TTC28: variants seen among roughly 807,000 people sequenced by gnomAD.
TTC28 encodes tetratricopeptide repeat domain 28, also known as tetratricopeptide repeat protein 28.
TTC28 carries 61 observed loss-of-function variants against 198.0 expected under a neutral mutation model. The observed-to-expected ratio is 0.31, with a 90% CI of 0.25 to 0.38. TTC28 has a LOEUF of 0.38. Among genes scored for constraint, TTC28 ranks in the 10% least tolerant of loss-of-function variants. TTC28 has a pLI of 1.00. For synonymous variants in TTC28, 1,171 were observed against 1,297.8 expected (o/e 0.90, Z 2.10); for missense variants, 2,678 against 3,164.0 (o/e 0.85, Z 3.69).
At chr22:27,989,776 A>G (rs1229743016) in intron 21 of TTC28, 102 bp downstream of exon 21, 1 of 1,404,360 alleles carries the variant, frequency 7.1e-7, no homozygotes, top group African/African-American at 1.4e-5. Flanking sequence ...TAATATTTTA[A>G]GAAGACACTG....
intron 1 of TTC28, among the ~76,000 whole-genome samples, chr22:28,673,896 C>A (rs2051931297): frequency 6.6e-6 from 1 of 152,030 alleles, no homozygotes; most frequent in Non-Finnish European, 1.5e-5. Context: ...CATCAGGCTT[C>A]CCGCTAACAG....
chr22:28,393,135 G>C (rs1367483458), intron 2 of TTC28, among the ~76,000 whole-genome samples: 1 of 151,966 alleles, frequency 6.6e-6, no homozygotes, highest in South Asian at 2.1e-4. Flanking sequence ...CTCCGACCTT[G>C]GCCTCTCAAA....
At chr22:28,319,729 T>C (rs1284844244) in intron 2 of TTC28, among the ~76,000 whole-genome samples, 1 of 152,242 alleles carries the variant, frequency 6.6e-6, no homozygotes, top group East Asian at 1.9e-4. Flanking sequence ...CGTATTGCTT[T>C]GCTCTTCTTT....
At chr22:28,178,458 ACT>A (rs1045922544) in intron 5 of TTC28, among the ~76,000 whole-genome samples, 2 of 151,872 alleles carry the variant, frequency 1.3e-5, no homozygotes, top group African/African-American at 4.8e-5. Flanking sequence ...CAAGAGTGAA[ACT>A]CTGTCGAGGG....
At chr22:27,998,427 G>A in intron 16 of TTC28, 113 bp downstream of exon 16, 1 of 1,431,824 alleles carries the variant, frequency 7.0e-7, no homozygotes, top group Non-Finnish European at 9.2e-7. Context: ...GTCTTCTGTG[G>A]CTGGCCTTGC....
At chr22:28,371,470 A>T (rs1261627784) in intron 2 of TTC28, among the ~76,000 whole-genome samples, 1 of 110,646 alleles carries the variant, frequency 9.0e-6, no homozygotes. Flanking sequence ...AGATTGCACC[A>T]CTGCACTCCA....
At chr22:28,570,466 G>A (rs1025062611) in intron 2 of TTC28, among the ~76,000 whole-genome samples, 10 of 152,126 alleles carry the variant, frequency 6.6e-5, no homozygotes, top group Non-Finnish European at 1.0e-4. Context: ...CAAATACCAC[G>A]TGTTCTCATG....
intron 2 of TTC28, among the ~76,000 whole-genome samples, chr22:28,374,377 G>A (rs534706607): frequency 2.0e-5 from 3 of 152,032 alleles, no homozygotes; most frequent in South Asian, 4.2e-4. Flanking sequence ...TTGAATGCTC[G>A]CCACTAAGTG....
intron 2 of TTC28, among the ~76,000 whole-genome samples, chr22:28,495,214 C>T (rs776127454): frequency 1.4e-4 from 22 of 152,046 alleles, no homozygotes; most frequent in Non-Finnish European, 2.2e-4. Context: ...AGTTTTTAGA[C>T]GGGAAGTTGT....
In TTC28 at chr22:27,992,502, G is replaced by C. The variant is rs1319004534; in HGVS notation, c.5553+85C>G. Reference sequence around the variant, plus strand: ...GGCGGTGAGACTGCATTCACTTACAGGTTCCTATTTAGGGCCAAGTTGCTC... The same window carrying C: ...GGCGGTGAGACTGCATTCACTTACACGTTCCTATTTAGGGCCAAGTTGCTC... On this transcript the variant is annotated intron_variant, in intron 19 of 22. Coordinates refer to ENST00000397906, the MANE Select transcript of TTC28 (RefSeq NM_001145418.2). The C allele has an allele frequency of 2.9e-6, 4 of 1,375,864 alleles. No homozygotes were observed. The Admixed American group carries it at 8.8e-5, about 30-fold the overall frequency. 85.2% of individuals were successfully genotyped at this position (1,375,864 alleles called of 1,614,324 possible).
rs547514552 is a variant in TTC28 at position 28,371,328 on chromosome 22, G to T, written c.382-64685C>A. Reference sequence around the variant, plus strand: ...AGCTCAGGATCAGCCTGGGCAACATGGCAAAACCCCAGTACTACCAAAAAA... The same window carrying T: ...AGCTCAGGATCAGCCTGGGCAACATTGCAAAACCCCAGTACTACCAAAAAA... On this transcript the variant is annotated intron_variant, in intron 2 of 22. Transcript: ENST00000397906. 3.6e-4 allele frequency among the ~76,000 whole-genome samples: 54 copies of T among 149,636 alleles called. No individual in the cohort carries two copies. In the South Asian group the frequency reaches 5.6e-3, roughly 16 times the overall value.
At chr22:28,540,039 G>A (rs1471964384) in intron 2 of TTC28, among the ~76,000 whole-genome samples, 3 of 150,922 alleles carry the variant, frequency 2.0e-5, no homozygotes, top group Admixed American at 6.6e-5. Flanking sequence ...CCGCCTCCTG[G>A]GTTCACGCCA....
chr22:28,659,168 T>C (rs988584840), intron 1 of TTC28, among the ~76,000 whole-genome samples: 3 of 152,222 alleles, frequency 2.0e-5, no homozygotes, highest in Non-Finnish European at 4.4e-5. Flanking sequence ...AATAAATGTT[T>C]GTTGCTAAAA....
chr22:28,516,440 T>C (rs1243743600), intron 2 of TTC28, among the ~76,000 whole-genome samples: 2 of 152,172 alleles, frequency 1.3e-5, no homozygotes, highest in Admixed American at 6.5e-5. Context: ...ATACTCATCA[T>C]TGAGTTCATG....
At chr22:28,099,572 TA>T (rs1942080382) in intron 9 of TTC28, among the ~76,000 whole-genome samples, 1 of 152,172 alleles carries the variant, frequency 6.6e-6, no homozygotes, top group Non-Finnish European at 1.5e-5. Flanking sequence ...CTTGTGGACC[TA>T]AAAAGGCATC....
chr22:28,158,763 A>G (rs1943816506), intron 6 of TTC28, among the ~76,000 whole-genome samples: 1 of 152,224 alleles, frequency 6.6e-6, no homozygotes, highest in South Asian at 2.1e-4. Context: ...AAATCACATC[A>G]AAATTGATTA....
intron 2 of TTC28, among the ~76,000 whole-genome samples, chr22:28,334,981 G>A (rs551575215): frequency 6.6e-6 from 1 of 152,088 alleles, no homozygotes; most frequent in Admixed American, 6.6e-5. Flanking sequence ...GGTTTTTATG[G>A]TTTTAGGTCT....
intron 2 of TTC28, among the ~76,000 whole-genome samples, chr22:28,387,961 G>A (rs1444016485): frequency 1.3e-5 from 2 of 152,100 alleles, no homozygotes; most frequent in African/African-American, 4.8e-5. Flanking sequence ...TTTCTTCTAG[G>A]GTTTTTATGG....
chr22:28,025,341 C>T (rs947785322), intron 13 of TTC28, among the ~76,000 whole-genome samples: 16 of 152,268 alleles, frequency 1.1e-4, no homozygotes, highest in African/African-American at 3.4e-4. Context: ...ACTACTCCAT[C>T]GGTAAGCAAA....
Sources: allele counts gnomAD v4.1 joint callset (sites outside exome capture counted in the v4.1 genomes callset), GRCh38; gene constraint gnomAD v4.1.1; transcripts MANE v1.5; gene names NCBI Gene and HGNC (gene_info 2026-07-23, HGNC 2026-07-21).